Variants in RBM27 observed in about 807,000 individuals in gnomAD.
RBM27 encodes the protein RNA-binding protein 27.
Under a neutral mutation model 135.3 loss-of-function variants are expected in RBM27, and 22 were observed. That is an observed-to-expected ratio of 0.16 (90% CI 0.12 to 0.23). The LOEUF (loss-of-function observed/expected upper bound fraction) is 0.23, where lower values mean the gene tolerates loss of function less well. RBM27 is among the 10% of genes least tolerant of loss of function. RBM27 has a pLI of 1.00. For missense variants in RBM27, 1,009 were observed against 1,281.0 expected (o/e 0.79, Z 3.24); for synonymous variants, 481 against 442.4 (o/e 1.09, Z -1.10).
chr5:146,236,780 C>T (rs534629454), intron 7 of RBM27, among the ~76,000 whole-genome samples: 4 of 152,068 alleles, frequency 2.6e-5, no homozygotes, highest in African/African-American at 7.2e-5. Flanking sequence ...TGTGCCACCA[C>T]ACCCAGCTTA....
At chr5:146,273,729 A>G (rs946146859) in intron 19 of RBM27, among the ~76,000 whole-genome samples, 2 of 152,194 alleles carry the variant, frequency 1.3e-5, no homozygotes, top group Non-Finnish European at 2.9e-5. Context: ...TATTTTCAGT[A>G]TTCTTCTATT....
chr5:146,233,651 C>A lies in RBM27; in HGVS notation c.1052C>A (p.Pro351Gln). Residue 351 changes from proline to glutamine, a missense_variant, in exon 7 of 21, where the codon CCG becomes CAG. Physicochemically the swap from Pro to Gln is moderately conservative, Grantham distance 76. This residue lies in a region of RBM27 where 329 missense variants were observed against 368.1 expected (regional missense o/e 0.89). Coordinates refer to ENST00000265271, the MANE Select transcript of RBM27 (RefSeq NM_018989.2). ...PGPGPGPGPG[P>Q]GPGPGPGHSM... ...CCGGGCCCAGGTCCAGGCCCAGGCC[C>A]GGGCCCAGGTCCAGGTCCTGGCCAT... The A allele has an allele frequency of 1.3e-6, 2 of 1,566,100 alleles. No homozygotes were observed. The highest frequency in any genetic ancestry group is 1.7e-6 in the Non-Finnish European group (2 of 1,164,984).
intron 8 of RBM27, among the ~76,000 whole-genome samples, chr5:146,251,502 A>T (rs1378694496): frequency 6.6e-6 from 1 of 152,150 alleles, no homozygotes; most frequent in African/African-American, 2.4e-5. Context: ...CTTAATTCTT[A>T]TTCTTTTCTT....
At chr5:146,250,646 C>T (rs990379660) in intron 8 of RBM27, among the ~76,000 whole-genome samples, 2 of 151,674 alleles carry the variant, frequency 1.3e-5, no homozygotes, top group African/African-American at 4.8e-5. Flanking sequence ...ATTGTGTGTG[C>T]ATTCTTGCAT....
intron 19 of RBM27, among the ~76,000 whole-genome samples, chr5:146,284,001 C>T (rs541206230): frequency 4.0e-4 from 61 of 152,108 alleles, no homozygotes; most frequent in Non-Finnish European, 8.1e-4. Context: ...TTGCTTTCCC[C>T]TATTGGAATT....
At chr5:146,283,076 C>A (rs1424021142) in intron 19 of RBM27, among the ~76,000 whole-genome samples, 1 of 152,038 alleles carries the variant, frequency 6.6e-6, no homozygotes, top group Non-Finnish European at 1.5e-5. Flanking sequence ...ATTTAAAAAT[C>A]TTTATTACTT....
intron 9 of RBM27, among the ~76,000 whole-genome samples, chr5:146,253,019 C>T (rs1449286370): frequency 1.3e-5 from 2 of 152,082 alleles, no homozygotes; most frequent in African/African-American, 4.8e-5. Context: ...GACAGTCTCT[C>T]GCTCTGCTGC....
At chr5:146,279,469 A>C (rs969491134) in intron 19 of RBM27, among the ~76,000 whole-genome samples, 10 of 150,914 alleles carry the variant, frequency 6.6e-5, no homozygotes, top group Non-Finnish European at 1.2e-4. Context: ...ACAAAAAAAA[A>C]ACAAAACTTT....
At chr5:146,285,819 C>G in intron 20 of RBM27, 128 bp from the exon 21 acceptor site, 2 of 533,576 alleles carry the variant, frequency 3.7e-6, no homozygotes, top group Non-Finnish European at 3.3e-6. Flanking sequence ...CTGAAAGATA[C>G]TCTTGCATGC....
chr5:146,263,080 C>T (rs1394744060), intron 13 of RBM27, among the ~76,000 whole-genome samples: 2 of 152,004 alleles, frequency 1.3e-5, no homozygotes, highest in Non-Finnish European at 2.9e-5. Flanking sequence ...GACGGGGTTT[C>T]ACCATGTTGG....
chr5:146,256,371 A>G (rs1758103394), intron 10 of RBM27, among the ~76,000 whole-genome samples: 1 of 147,366 alleles, frequency 6.8e-6, no homozygotes, highest in Admixed American at 6.8e-5. Flanking sequence ...ATTTTTTGAG[A>G]CAGGGTCTCC....
intron 15 of RBM27, among the ~76,000 whole-genome samples, chr5:146,268,504 A>G (rs1283112718): frequency 6.6e-6 from 1 of 152,076 alleles, no homozygotes. Context: ...GGCTTCCCAA[A>G]GTGCTGGGAT....
intron 11 of RBM27, among the ~76,000 whole-genome samples, chr5:146,259,498 C>CT (rs1342179024): frequency 2.0e-5 from 2 of 102,074 alleles, no homozygotes; most frequent in Non-Finnish European, 3.9e-5. Context: ...GAACAAAACT[C>CT]TGTCTCAAAA....
intron 1 of RBM27, among the ~76,000 whole-genome samples, 163 bp from the exon 2 acceptor site, chr5:146,218,822 G>A (rs1052920002): frequency 6.6e-6 from 1 of 152,156 alleles, no homozygotes; most frequent in South Asian, 2.1e-4. Context: ...GGAAAATCTC[G>A]CAGTATGTAT....
At position 146,241,241 on chromosome 5, in the gene RBM27, T is replaced by G. The variant is rs538022840; in HGVS notation, c.1279+3809T>G. On this transcript the variant is annotated intron_variant, in intron 8 of 20. Transcript: ENST00000265271. ...GTGACTCACTCTATAAATATTCCAT[T>G]TGGTTTTAATTTTTAAAACTCTGGC... 6.6e-5 allele frequency among the ~76,000 whole-genome samples: 10 copies of G among 152,330 alleles called. No individual in the cohort carries two copies. In the East Asian group the frequency reaches 1.5e-3, roughly 23 times the overall value.
intron 3 of RBM27, among the ~76,000 whole-genome samples, chr5:146,224,378 TAAAC>T (rs1006739835): frequency 5.9e-5 from 9 of 152,154 alleles, no homozygotes; most frequent in African/African-American, 1.9e-4. Context: ...GAAATAATTT[TAAAC>T]AAATAAAAAT....
Position 146,281,408 on chromosome 5 carries a change from T to C in RBM27, c.2989-3214T>C, listed in dbSNP as rs193077412. 2.8e-4 allele frequency among the ~76,000 whole-genome samples: 42 copies of C among 152,324 alleles called. 1 individual carries two copies. The highest frequency in any genetic ancestry group is 1.1e-3 in the Admixed American group (17 of 15,296). ...CAACAGAAACACATAAAACCAAAGTTTGTGTTGATTAGCTGACAAAAATGT... is the reference window on the plus strand; with the variant it reads ...CAACAGAAACACATAAAACCAAAGTCTGTGTTGATTAGCTGACAAAAATGT... On this transcript the variant is annotated intron_variant, in intron 19 of 20. Coordinates refer to ENST00000265271, the MANE Select transcript of RBM27 (RefSeq NM_018989.2).
At chr5:146,233,308 C>T (rs932318374) in intron 6 of RBM27, 142 bp from the exon 7 acceptor site, 1 of 1,310,786 alleles carries the variant, frequency 7.6e-7, no homozygotes, top group Non-Finnish European at 1.0e-6. Flanking sequence ...TGATGCTTAA[C>T]AGAGTAACAC....
chr5:146,209,038 C>T (rs931908209), intron 1 of RBM27, among the ~76,000 whole-genome samples: 4 of 152,128 alleles, frequency 2.6e-5, no homozygotes, highest in Admixed American at 6.6e-5. Context: ...CTCTAATTCA[C>T]TCTGTGACTT....
Sources: allele counts gnomAD v4.1 joint callset (sites outside exome capture counted in the v4.1 genomes callset), GRCh38; gene constraint gnomAD v4.1.1; regional missense constraint gnomAD v4.1.1; transcripts MANE v1.5; gene names NCBI Gene and HGNC (gene_info 2026-07-23, HGNC 2026-07-21).